Variants in KIF1A observed in about 807,000 individuals in gnomAD.
KIF1A encodes kinesin family member 1A, also known as kinesin-like protein KIF1A.
KIF1A carries 46 observed loss-of-function variants against 227.3 expected under a neutral mutation model. That is an observed-to-expected ratio of 0.20 (90% CI 0.16 to 0.26). The LOEUF (loss-of-function observed/expected upper bound fraction) is 0.26. Ranked by LOEUF, KIF1A falls within the 10% of genes least tolerant of loss-of-function variation. KIF1A has a pLI of 1.00. For synonymous variants in KIF1A, 1,022 were observed against 1,012.8 expected (o/e 1.01, Z -0.17); for missense variants, 1,683 against 2,485.9 (o/e 0.68, Z 6.87).
intron 6 of KIF1A, among the ~76,000 whole-genome samples, chr2:240,785,610 G>A (rs947716024): frequency 1.3e-5 from 2 of 152,202 alleles, no homozygotes; most frequent in African/African-American, 4.8e-5. Context: ...ACCCTGACCT[G>A]CCAGGGACCT....
intron 10 of KIF1A, among the ~76,000 whole-genome samples, chr2:240,777,941 G>C (rs2052997031): frequency 6.6e-6 from 1 of 152,094 alleles, no homozygotes; most frequent in Non-Finnish European, 1.5e-5. Flanking sequence ...CGGTTCCCAC[G>C]CGGTGCTTCC....
chr2:240,791,209 G>A (rs981416947), intron 2 of KIF1A, among the ~76,000 whole-genome samples: 6 of 152,230 alleles, frequency 3.9e-5, no homozygotes, highest in South Asian at 2.1e-4. Context: ...CGACTTCAGC[G>A]CCTGCCGGGA....
At chr2:240,805,905 T>C (rs1024763876) in intron 1 of KIF1A, among the ~76,000 whole-genome samples, 19 of 152,140 alleles carry the variant, frequency 1.2e-4, no homozygotes, top group African/African-American at 4.3e-4. Context: ...AATATAAAAA[T>C]ACTTACTAAA....
rs1455365909 is a variant in KIF1A, at chr2:240,737,194, G to A, written c.3902-26C>T. ...CTGCAGAAAAGGCAACGGGCCACAG[G>A]TCACTTCCCAGGGGGCAGGTGGGAC... On this transcript the variant is annotated intron_variant, in intron 37 of 48. Transcript: ENST00000498729. 8 of 1,598,712 alleles carry A rather than the reference G, an allele frequency of 5.0e-6. No individual in the cohort carries two copies. In the African/African-American group the frequency reaches 5.4e-5, roughly 11 times the overall value.
rs1031795815 is a variant in KIF1A at position 240,714,051 on chromosome 2, G to C, written c.*3313C>G. On this transcript the variant is annotated 3_prime_UTR_variant, in exon 49 of 49. Transcript: ENST00000498729. ...CGCCACAGCTGCTGTCCGTCTGGGG[G>C]ACCGCACGGCCCGGCACCGGGGGTA... 1 of 152,670 alleles carries C rather than the reference G, an allele frequency of 6.6e-6. No homozygotes were observed. The highest frequency in any genetic ancestry group is 6.5e-5 in the Admixed American group (1 of 15,294). 9.5% of individuals were successfully genotyped at this position (152,670 alleles called of 1,614,324 possible).
rs532646072 is a variant in KIF1A, at chr2:240,715,358, C to T, written c.*2006G>A. The stretch of plus-strand genomic sequence containing the variant: ...GAAAGCTGCTGTGTCCTGTGTCCTG[C>T]CTTCCCAGGCGTGGCTTCCCGAGCC... On this transcript the variant is annotated 3_prime_UTR_variant, in exon 49 of 49. Transcript: ENST00000498729. 2 of 152,528 alleles carry T rather than the reference C, an allele frequency of 1.3e-5. No individual in the cohort carries two copies. The highest frequency in any genetic ancestry group is 2.9e-5 in the Non-Finnish European group (2 of 68,040). The allele number at this position is 152,528 out of a possible 1,614,324, so 9.4% of individuals were successfully genotyped here. A position where few individuals can be genotyped will look rare whatever the true frequency, so the allele number is the denominator to read the frequency against.
intron 30 of KIF1A, 53 bp from the exon 31 acceptor site, chr2:240,745,962 G>T: frequency 6.3e-7 from 1 of 1,592,910 alleles, no homozygotes; most frequent in Admixed American, 1.7e-5. Flanking sequence ...TTGTCTTCCA[G>T]CCACAGGCCT....
intron 27 of KIF1A, among the ~76,000 whole-genome samples, chr2:240,755,415 C>G (rs2049731773): frequency 6.6e-6 from 1 of 152,196 alleles, no homozygotes; most frequent in South Asian, 2.1e-4. Flanking sequence ...TGCTGGGACC[C>G]AGGGAAGCCT....
In KIF1A at chr2:240,766,747, T is replaced by TCACACACACACACACACACA. The variant is rs1344499129; in HGVS notation, c.1684+167_1684+168insTGTGTGTGTGTGTGTGTGTG. Among the ~76,000 whole-genome samples, 1 of 119,442 alleles carries TCACACACACACACACACACA rather than the reference T, an allele frequency of 8.4e-6. No individual in the cohort carries two copies. Among genetic ancestry groups the TCACACACACACACACACACA allele is most frequent in the African/African-American group, 3.8e-5 (1 of 26,236 alleles). The allele number at this position is 119,442 out of a possible 152,430, so 78.4% of individuals were successfully genotyped here. On this transcript the variant is annotated intron_variant, in intron 19 of 48. Transcript: ENST00000498729. The surrounding 1 kb of genome is among the most constrained non-coding windows in gnomAD (Gnocchi z 5.0). Reference sequence around the variant, plus strand: ...ATCTCTCTCTCTCTCTCTCTCTCTCTCTCACACACACACACACACACACAC... The same window carrying TCACACACACACACACACACA: ...ATCTCTCTCTCTCTCTCTCTCTCTCTCACACACACACACACACACACTCACACACACACACACACACACAC...
In KIF1A at chr2:240,778,760, C is replaced by T. The variant is rs867161307; in HGVS notation, c.883-2834G>A. 2.6e-5 allele frequency among the ~76,000 whole-genome samples: 4 copies of T among 151,872 alleles called. No homozygotes were observed. Among genetic ancestry groups the T allele is most frequent in the Non-Finnish European group, 4.4e-5 (3 of 67,950 alleles). ...GCACACGTCTCTGCAGCTTTCCTCACGATTCTGCGCACCGTTCCACACACG... is the reference window on the plus strand; with the variant it reads ...GCACACGTCTCTGCAGCTTTCCTCATGATTCTGCGCACCGTTCCACACACG... On this transcript the variant is annotated intron_variant, in intron 10 of 48. Transcript: ENST00000498729. The surrounding 1 kb of genome is among the most constrained non-coding windows in gnomAD (Gnocchi z 7.2).
chr2:240,743,892 CA>C, intron 33 of KIF1A, 49 bp downstream of exon 33: 1 of 1,214,632 alleles, frequency 8.2e-7, no homozygotes, highest in Non-Finnish European at 1.2e-6. Context: ...AAGATCTGGG[CA>C]GGGGCTTTGA....
In KIF1A at chr2:240,752,179, C is replaced by T. The variant is rs938081133; in HGVS notation, c.2859-1632G>A. Among the ~76,000 whole-genome samples the T allele has an allele frequency of 2.0e-5, 3 of 151,992 alleles. No homozygotes were observed. The highest frequency in any genetic ancestry group is 3.9e-4 in the East Asian group (2 of 5,174). ...CCCTCTGAAGATGCCCCCCGAGAAGCGAGTACCCCACACCAATGGAGCCCA... is the reference window on the plus strand; with the variant it reads ...CCCTCTGAAGATGCCCCCCGAGAAGTGAGTACCCCACACCAATGGAGCCCA... On this transcript the variant is annotated intron_variant, in intron 27 of 48. Transcript: ENST00000498729. The surrounding 1 kb of genome is among the most constrained non-coding windows in gnomAD (Gnocchi z 6.4).
At chr2:240,771,135 C>T in intron 14 of KIF1A, 31 bp from the exon 15 acceptor site, 1 of 1,613,110 alleles carries the variant, frequency 6.2e-7, no homozygotes, top group Non-Finnish European at 8.5e-7. Context: ...GCTTCATTCA[C>T]CGTCCCGCCA....
chr2:240,745,709 G>C (rs200898765), intron 31 of KIF1A, 29 bp downstream of exon 31: 1 of 1,604,848 alleles, frequency 6.2e-7, no homozygotes, highest in South Asian at 1.1e-5. Flanking sequence ...CCTGCGCAGC[G>C]CAGGGACACA....
At position 240,752,288 on chromosome 2, in the gene KIF1A, C is replaced by T. The variant is rs1162709645; in HGVS notation, c.2859-1741G>A. On this transcript the variant is annotated intron_variant, in intron 27 of 48. Transcript: ENST00000498729. This position sits in a 1 kb window ranked among gnomAD's most constrained non-coding sequence, Gnocchi z 6.4. Reference sequence around the variant, plus strand: ...TGGAGCTCCACTGCCCTGGGCCACCCACCCAGGTTATGTCCAGAAGCGCCC... The same window carrying T: ...TGGAGCTCCACTGCCCTGGGCCACCTACCCAGGTTATGTCCAGAAGCGCCC... Among the ~76,000 whole-genome samples the T allele has an allele frequency of 1.3e-5, 2 of 152,118 alleles. No homozygotes were observed. Among genetic ancestry groups the T allele is most frequent in the East Asian group, 3.9e-4 (2 of 5,156 alleles).
intron 1 of KIF1A, 36 bp from the exon 2 acceptor site, chr2:240,797,848 T>C: frequency 1.3e-6 from 1 of 748,714 alleles, no homozygotes; most frequent in South Asian, 1.7e-5. Flanking sequence ...AGAAACAATA[T>C]CTGAGGAGGC....
rs1367749451 is a variant in KIF1A, at chr2:240,725,343, C to T, written c.4184G>A (p.Arg1395His). 2.5e-6 allele frequency: 4 copies of T among 1,611,966 alleles called. No homozygotes were observed. The highest frequency in any genetic ancestry group is 3.4e-6 in the Non-Finnish European group (4 of 1,179,584). ...TKDFCMVFYS[R>H]DAKLPASRSI... ...GCGCGAGGCTGGCAGCTTGGCATCA[C>T]GGGAATAGAAGACCATGCAGAAGTC... Residue 1395 changes from arginine (R) to histidine (H), a missense_variant, in exon 40 of 49, where the codon CGT (arginine) becomes CAT (histidine). By Grantham distance (29) the Arg-to-His change is conservative. Transcript: ENST00000498729. The surrounding 1 kb of genome is among the most constrained non-coding windows in gnomAD (Gnocchi z 5.8).
At chr2:240,765,982 A>G (rs949090946) in intron 19 of KIF1A, among the ~76,000 whole-genome samples, 189 bp from the exon 20 acceptor site, 2 of 152,182 alleles carry the variant, frequency 1.3e-5, no homozygotes, top group Non-Finnish European at 2.9e-5. Flanking sequence ...CACCCCACTT[A>G]ACAGAGGAAG....
At chr2:240,786,667 G>A (rs1255018055) in intron 5 of KIF1A, among the ~76,000 whole-genome samples, 154 bp from the exon 6 acceptor site, 31 of 138,926 alleles carry the variant, frequency 2.2e-4, no homozygotes, top group African/African-American at 3.3e-4. Flanking sequence ...AGGGGGTGGG[G>A]GCCACCACCA....
Sources: allele counts gnomAD v4.1 joint callset (sites outside exome capture counted in the v4.1 genomes callset), GRCh38; gene constraint gnomAD v4.1.1; non-coding constraint Gnocchi (gnomAD v3.1); transcripts MANE v1.5; gene names NCBI Gene and HGNC (gene_info 2026-07-23, HGNC 2026-07-21).